The following NCAM2 variants were observed in gnomAD, a reference collection of about 807,000 sequenced individuals.
NCAM2 encodes the protein neural cell adhesion molecule 2.
A neutral mutation model predicts 98.1 loss-of-function variants in NCAM2; 30 were observed. The observed-to-expected ratio is 0.31, with a 90% CI of 0.23 to 0.41. NCAM2 has a LOEUF of 0.41. Ranked by LOEUF, NCAM2 falls within the 10% of genes least tolerant of loss-of-function variation. The pLI, the probability that NCAM2 is intolerant of heterozygous loss-of-function variation, is 1.00. For synonymous variants in NCAM2, 368 were observed against 342.4 expected (o/e 1.07, Z -0.83); for missense variants, 867 against 1,005.8 (o/e 0.86, Z 1.87).
chr21:21,437,961 G>A lies in NCAM2; in HGVS notation c.1654+5680G>A, dbSNP rs971036332. On this transcript the variant is annotated intron_variant, in intron 12 of 17. Coordinates refer to ENST00000400546, the MANE Select transcript of NCAM2 (RefSeq NM_004540.5). ...TAAGGAAAAGCTTGTTTGTGCCTTC[G>A]TTTTGTAAATCACAGGTTGTGTTAA... Among the ~76,000 whole-genome samples the A allele has an allele frequency of 2.8e-4, 42 of 151,694 alleles. 1 individual carries two copies. Among genetic ancestry groups the A allele is most frequent in the South Asian group, 2.1e-3 (10 of 4,804 alleles).
At chr21:21,479,265 A>AC (rs1426462791) in intron 15 of NCAM2, among the ~76,000 whole-genome samples, 1 of 152,042 alleles carries the variant, frequency 6.6e-6, no homozygotes. Context: ...TAAATGTTAT[A>AC]CCCCCAATGA....
chr21:21,508,836 T>TTA lies in NCAM2; in HGVS notation c.2078-14_2078-13insAT. ...TTTTTTTTTTTTTTTTTTTTTTTTTTTTTTACTTTTTAAGACACGCTGTTT... is the reference window on the plus strand; with the variant it reads ...TTTTTTTTTTTTTTTTTTTTTTTTTTTATTTTACTTTTTAAGACACGCTGTTT... On this transcript the variant is annotated splice_polypyrimidine_tract_variant and intron_variant, in intron 15 of 17. Coordinates refer to ENST00000400546, the MANE Select transcript of NCAM2 (RefSeq NM_004540.5). 1 of 1,171,420 alleles carries TTA rather than the reference T, an allele frequency of 8.5e-7. No homozygotes were observed. Among genetic ancestry groups the TTA allele is most frequent in the South Asian group, 2.5e-5 (1 of 40,692 alleles). The allele number at this position is 1,171,420 out of a possible 1,614,324, so 72.6% of individuals were successfully genotyped here. A position where few individuals can be genotyped will look rare whatever the true frequency, so the allele number is the denominator to read the frequency against.
intron 1 of NCAM2, among the ~76,000 whole-genome samples, chr21:21,014,515 C>T (rs1359359695): frequency 2.0e-5 from 3 of 151,850 alleles, no homozygotes; most frequent in Non-Finnish European, 4.4e-5. Context: ...CTGTTTACAA[C>T]ATGATTTACT....
chr21:21,396,273 A>G (rs1370805140), intron 9 of NCAM2, among the ~76,000 whole-genome samples: 3 of 152,218 alleles, frequency 2.0e-5, no homozygotes, highest in African/African-American at 7.2e-5. Context: ...ATTACTAATG[A>G]TCAAGGAAAT....
intron 1 of NCAM2, among the ~76,000 whole-genome samples, chr21:21,065,496 G>GCACT: frequency 6.6e-6 from 1 of 152,150 alleles, no homozygotes; most frequent in East Asian, 1.9e-4. Context: ...AAGTGATGTG[G>GCACT]CACTGAATGA....
At chr21:21,213,956 G>A (rs926657293) in intron 1 of NCAM2, among the ~76,000 whole-genome samples, 1 of 152,042 alleles carries the variant, frequency 6.6e-6, no homozygotes, top group Non-Finnish European at 1.5e-5. Flanking sequence ...GTATTTTGAC[G>A]GTTGACACTA....
At chr21:21,394,469 C>CTTTTTTTTTTTTTTTTTTTT (rs532068473) in intron 9 of NCAM2, among the ~76,000 whole-genome samples, 15 of 57,672 alleles carry the variant, frequency 2.6e-4, no homozygotes, top group African/African-American at 4.0e-4. Context: ...AAGGGGCCAG[C>CTTTTTTTTTTTTTTTTTTTT]TTTTTTTTTT....
At chr21:21,426,286 C>G (rs2077212768) in intron 11 of NCAM2, among the ~76,000 whole-genome samples, 2 of 152,082 alleles carry the variant, frequency 1.3e-5, no homozygotes, top group South Asian at 2.1e-4. Context: ...ATAGATAGAA[C>G]CTATCTCAGC....
chr21:21,278,158 C>A (rs565283305), intron 1 of NCAM2, among the ~76,000 whole-genome samples: 1 of 151,622 alleles, frequency 6.6e-6, no homozygotes, highest in South Asian at 2.1e-4. Flanking sequence ...ATTATAATTT[C>A]CCCTCCCTTT....
chr21:21,459,507 G>T (rs1229823141), intron 12 of NCAM2, among the ~76,000 whole-genome samples: 1 of 147,546 alleles, frequency 6.8e-6, no homozygotes, highest in East Asian at 2.0e-4. Flanking sequence ...TATGTGTATA[G>T]AATGTTTATA....
intron 1 of NCAM2, among the ~76,000 whole-genome samples, chr21:21,073,958 C>T (rs2065626349): frequency 6.6e-6 from 1 of 152,136 alleles, no homozygotes; most frequent in Non-Finnish European, 1.5e-5. Flanking sequence ...AACTTTTCTT[C>T]AGAGCCAGGA....
At chr21:21,235,805 A>G (rs1303968942) in intron 1 of NCAM2, among the ~76,000 whole-genome samples, 1 of 151,958 alleles carries the variant, frequency 6.6e-6, no homozygotes, top group East Asian at 1.9e-4. Context: ...CAATGCCACT[A>G]AAGACTCATC....
At chr21:21,027,358 A>G (rs2064572222) in intron 1 of NCAM2, among the ~76,000 whole-genome samples, 1 of 152,210 alleles carries the variant, frequency 6.6e-6, no homozygotes, top group South Asian at 2.1e-4. Context: ...GCATTATGAT[A>G]GAAATTTGGT....
At chr21:21,113,592 T>C (rs1418596550) in intron 1 of NCAM2, among the ~76,000 whole-genome samples, 4 of 152,106 alleles carry the variant, frequency 2.6e-5, no homozygotes, top group African/African-American at 7.2e-5. Flanking sequence ...ACTGGGAAAC[T>C]ATGATTATTA....
At chr21:21,403,550 A>C (rs1602233324) in intron 9 of NCAM2, among the ~76,000 whole-genome samples, 1 of 152,258 alleles carries the variant, frequency 6.6e-6, no homozygotes, top group Admixed American at 6.5e-5. Context: ...ATACCCAAAC[A>C]GTTGTGTCCA....
intron 1 of NCAM2, among the ~76,000 whole-genome samples, chr21:21,066,798 G>A (rs1343343910): frequency 6.6e-6 from 1 of 151,892 alleles, no homozygotes; most frequent in Non-Finnish European, 1.5e-5. Flanking sequence ...GGTGTTTAAT[G>A]TACCCAAAGC....
At chr21:21,362,023 C>A (rs993724686) in intron 8 of NCAM2, among the ~76,000 whole-genome samples, 4 of 152,044 alleles carry the variant, frequency 2.6e-5, no homozygotes, top group African/African-American at 9.7e-5. Flanking sequence ...ATTAGCCCTA[C>A]TTTAAATATA....
At chr21:21,381,203 T>C (rs2148090138) in intron 9 of NCAM2, among the ~76,000 whole-genome samples, 1 of 152,276 alleles carries the variant, frequency 6.6e-6, no homozygotes, top group African/African-American at 2.4e-5. Context: ...GCCATATTTT[T>C]TTTTCTCTTG....
intron 1 of NCAM2, among the ~76,000 whole-genome samples, chr21:21,151,467 A>T (rs2067446596): frequency 6.6e-6 from 1 of 152,056 alleles, no homozygotes; most frequent in South Asian, 2.1e-4. Flanking sequence ...CATCTTCTAA[A>T]TTCTGACCTA....
Sources: allele counts gnomAD v4.1 joint callset (sites outside exome capture counted in the v4.1 genomes callset), GRCh38; gene constraint gnomAD v4.1.1; transcripts MANE v1.5; gene names NCBI Gene and HGNC (gene_info 2026-07-23, HGNC 2026-07-21).